RSF1: variants seen among roughly 807,000 people sequenced by gnomAD.
RSF1 encodes remodeling and spacing factor 1.
In RSF1, 13 loss-of-function variants were observed where a neutral mutation model predicts 145.2. That is an observed-to-expected ratio of 0.09 (90% CI 0.06 to 0.14). The LOEUF is 0.14. RSF1 is among the 10% of genes least tolerant of loss of function. The pLI, the probability that RSF1 is intolerant of heterozygous loss-of-function variation, is 1.00. For missense variants in RSF1, 1,517 were observed against 1,718.2 expected, an observed-to-expected ratio of 0.88 and a Z score of 2.07; for synonymous variants, 577 against 592.6, an observed-to-expected ratio of 0.97 and a Z score of 0.38.
chr11:77,810,582 G>A (rs1948720937), intron 1 of RSF1, among the ~76,000 whole-genome samples: 1 of 152,004 alleles, frequency 6.6e-6, no homozygotes, highest in Non-Finnish European at 1.5e-5. Context: ...GGGGAGATGG[G>A]TGGAGTCTCC....
chr11:77,706,729 C>T (rs903715447), intron 5 of RSF1, among the ~76,000 whole-genome samples: 2 of 151,740 alleles, frequency 1.3e-5, no homozygotes, highest in Non-Finnish European at 2.9e-5. Context: ...AGGTAAATTG[C>T]GTATCATGAG....
rs1461941033 is a variant in RSF1, at chr11:77,671,171, ATATATATT to A, written c.3751+863_3751+870del. ...TATATATATATATATATATATATAT[ATATATATT>A]TATATGTATATATGTGTGTATATAT... On this transcript the variant is annotated intron_variant, in intron 15 of 15. Transcript: ENST00000308488. 4.1e-5 allele frequency among the ~76,000 whole-genome samples: 4 copies of A among 97,702 alleles called. 1 individual carries two copies. The highest frequency in any genetic ancestry group is 7.6e-5 in the Non-Finnish European group (4 of 52,536). The allele number at this position is 97,702 out of a possible 152,430, so 64.1% of individuals were successfully genotyped here.
chr11:77,773,952 C>T (rs963195842), intron 1 of RSF1, among the ~76,000 whole-genome samples: 1 of 151,774 alleles, frequency 6.6e-6, no homozygotes, highest in African/African-American at 2.4e-5. Context: ...AGTGTAATAT[C>T]GACAACAACA....
intron 15 of RSF1, among the ~76,000 whole-genome samples, chr11:77,671,004 G>A (rs1959508903): frequency 6.8e-6 from 1 of 146,344 alleles, no homozygotes; most frequent in African/African-American, 2.5e-5. Context: ...CTATTGGGAG[G>A]CTGAGCCAGG....
intron 7 of RSF1, among the ~76,000 whole-genome samples, chr11:77,695,100 T>C (rs930214424): frequency 6.6e-6 from 1 of 152,244 alleles, no homozygotes; most frequent in African/African-American, 2.4e-5. Flanking sequence ...CGTACTCTAT[T>C]CTCAAGATAA....
chr11:77,677,538 A>G (rs541533852), intron 12 of RSF1, among the ~76,000 whole-genome samples: 154 of 152,228 alleles, frequency 1.0e-3, no homozygotes, highest in Non-Finnish European at 1.9e-3. Context: ...GCCTTAAACA[A>G]TCTACTTATT....
At chr11:77,819,618 C>T (rs117989042) in intron 1 of RSF1, among the ~76,000 whole-genome samples, 3 of 152,188 alleles carry the variant, frequency 2.0e-5, no homozygotes, top group East Asian at 3.9e-4. Context: ...ACTGTTTCCC[C>T]CTCCGTCAGA....
At chr11:77,824,224 G>A (rs184483110), upstream of RSF1, among the ~76,000 whole-genome samples, 10 of 152,266 alleles carry the variant, frequency 6.6e-5, no homozygotes, top group African/African-American at 1.7e-4. Context: ...AGAGCTTAAC[G>A]ACAATTTATG....
the RSF1 span, among the ~76,000 whole-genome samples, chr11:77,826,931 A>G: frequency 3.9e-5 from 6 of 151,942 alleles, no homozygotes; most frequent in Non-Finnish European, 8.8e-5. Context: ...ATAGTGAAAC[A>G]CCATCTCTAC....
chr11:77,665,493 A>G lies in RSF1; in HGVS notation c.*1424T>C, dbSNP rs985042042. The G allele has an allele frequency of 2.0e-5, 3 of 152,220 alleles. No individual in the cohort carries two copies. Among genetic ancestry groups the G allele is most frequent in the African/African-American group, 7.2e-5 (3 of 41,466 alleles). The allele number at this position is 152,220 out of a possible 1,614,324, so 9.4% of individuals were successfully genotyped here. A position where few individuals can be genotyped will look rare whatever the true frequency, so the allele number is the denominator to read the frequency against. ...ATTTTACAGCTATAACAGAAACTAA[A>G]TAAGACAAAGTTCATATTTTAGTGT... is the stretch of plus-strand genomic sequence containing the variant. On this transcript the variant is annotated 3_prime_UTR_variant, in exon 16 of 16. Coordinates refer to ENST00000308488, the MANE Select transcript of RSF1 (RefSeq NM_016578.4).
At chr11:77,694,315 C>T (rs1222132792) in intron 7 of RSF1, among the ~76,000 whole-genome samples, 1 of 152,110 alleles carries the variant, frequency 6.6e-6, no homozygotes, top group African/African-American at 2.4e-5. Context: ...ATTTCAATTA[C>T]TTACCTGTAA....
chr11:77,683,215 CGA>C (rs1236805344), intron 11 of RSF1, among the ~76,000 whole-genome samples: 3 of 152,044 alleles, frequency 2.0e-5, no homozygotes, highest in Non-Finnish European at 4.4e-5. Context: ...CGCTTGAACC[CGA>C]GAGGTGGAGG....
chr11:77,807,616 C>G (rs999601906), intron 1 of RSF1, among the ~76,000 whole-genome samples: 1 of 152,134 alleles, frequency 6.6e-6, no homozygotes, highest in Admixed American at 6.6e-5. Flanking sequence ...TTAATCTGAG[C>G]ATAAATATAG....
At chr11:77,748,535 G>GA (rs1340743622) in intron 2 of RSF1, among the ~76,000 whole-genome samples, 5 of 150,300 alleles carry the variant, frequency 3.3e-5, no homozygotes, top group African/African-American at 9.8e-5. Flanking sequence ...TTTTCAGAGA[G>GA]AAAAAAAAGG....
intron 1 of RSF1, among the ~76,000 whole-genome samples, chr11:77,814,798 G>A (rs529757068): frequency 7.2e-5 from 11 of 152,312 alleles, no homozygotes; most frequent in Admixed American, 1.3e-4. Context: ...CTTTGATAAT[G>A]TTTGAAGCAA....
chr11:77,776,323 C>G (rs10899408), intron 1 of RSF1, among the ~76,000 whole-genome samples: 38,716 of 152,124 alleles, frequency 0.25, 5,638 homozygotes, highest in South Asian at 0.49. Flanking sequence ...TTAGATGTTT[C>G]TTTTATAGAA....
intron 13 of RSF1, 52 bp downstream of exon 13, chr11:77,676,740 G>C: frequency 6.5e-7 from 1 of 1,536,106 alleles, no homozygotes; most frequent in African/African-American, 1.4e-5. Flanking sequence ...TGCTAGCCCA[G>C]TCCTGTTCCT....
chr11:77,833,053 C>T, the RSF1 span, among the ~76,000 whole-genome samples: 5 of 130,846 alleles, frequency 3.8e-5, no homozygotes, highest in East Asian at 9.1e-4. Context: ...ATTCTGTCAC[C>T]CAGGCTGGAG....
At chr11:77,720,608 C>T (rs1294334410) in intron 5 of RSF1, among the ~76,000 whole-genome samples, 2 of 152,100 alleles carry the variant, frequency 1.3e-5, no homozygotes, top group East Asian at 1.9e-4. Flanking sequence ...CCTGATGCCA[C>T]GACTAGCCCT....
Sources: gnomAD v4.1 joint callset for allele counts (sites outside exome capture counted in the v4.1 genomes callset) on GRCh38, gnomAD v4.1.1 for gene constraint, MANE v1.5 for transcripts, NCBI Gene and HGNC (gene_info 2026-07-23, HGNC 2026-07-21) for gene names.